Variants in RNF144A observed in about 807,000 individuals in gnomAD.
The protein encoded by RNF144A is E3 ubiquitin-protein ligase RNF144A.
A neutral mutation model predicts 38.7 loss-of-function variants in RNF144A; 11 were observed. The observed-to-expected ratio is 0.28, with a 90% confidence interval of 0.18 to 0.47. The LOEUF (loss-of-function observed/expected upper bound fraction) is 0.47. Ranked by LOEUF, RNF144A falls within the 20% of genes least tolerant of loss-of-function variation. RNF144A has a pLI of 0.99. For missense variants in RNF144A, 316 were observed against 377.2 expected, an observed-to-expected ratio of 0.84 and a Z score of 1.34; for synonymous variants, 149 against 143.9, an observed-to-expected ratio of 1.04 and a Z score of -0.25.
At chr2:7,044,205 A>T, downstream of RNF144A, 3 of 984,302 alleles carry the variant, frequency 3.0e-6, no homozygotes, top group Non-Finnish European at 2.4e-6. Flanking sequence ...TCTTTTGTAG[A>T]TGCTTATCTG....
chr2:6,945,875 G>A lies in RNF144A; in HGVS notation c.-12+4728G>A, dbSNP rs563002382. Among the ~76,000 whole-genome samples, 5 of 152,284 alleles carry A rather than the reference G, an allele frequency of 3.3e-5. No homozygotes were observed. The East Asian group carries it at 9.7e-4, about 29-fold the overall frequency. On this transcript the variant is annotated intron_variant, in intron 2 of 8. Transcript: ENST00000320892. ...CAGTTTTGAGCCTGCTGTGAGGAAA[G>A]AGATGAGGAGAACCTGGGCCCTGGA...
chr2:6,933,842 G>C (rs115435754), intron 1 of RNF144A, among the ~76,000 whole-genome samples: 1,994 of 152,194 alleles, frequency 0.013, 19 homozygotes, highest in Non-Finnish European at 0.02. Context: ...CTAAGGTTCA[G>C]CTTATTCTTC....
At chr2:7,038,354 G>C (rs1672816225) in intron 8 of RNF144A, among the ~76,000 whole-genome samples, 2 of 152,152 alleles carry the variant, frequency 1.3e-5, no homozygotes, top group South Asian at 4.1e-4. Flanking sequence ...ACATGGCGGG[G>C]GTGTGTGGGG....
At chr2:7,017,455 C>T (rs71436175) in intron 5 of RNF144A, among the ~76,000 whole-genome samples, 3 of 152,190 alleles carry the variant, frequency 2.0e-5, no homozygotes, top group African/African-American at 7.2e-5. Context: ...CATCCCAGCC[C>T]TGCACCAGGC....
intron 1 of RNF144A, among the ~76,000 whole-genome samples, chr2:6,934,662 C>T (rs1665451807): frequency 6.6e-6 from 1 of 152,140 alleles, no homozygotes; most frequent in Non-Finnish European, 1.5e-5. Context: ...TTTTTCCCCA[C>T]CTATAGCTAT....
At chr2:7,070,805 G>A (rs1212946360), downstream of RNF144A, among the ~76,000 whole-genome samples, 1 of 152,156 alleles carries the variant, frequency 6.6e-6, no homozygotes, top group East Asian at 1.9e-4. Flanking sequence ...CCAGAAGCTA[G>A]GGAGAAGCCA....
chr2:6,962,219 GC>G lies in RNF144A; in HGVS notation c.-12+21077del, dbSNP rs1476889349. Among the ~76,000 whole-genome samples, 1 of 152,154 alleles carries G rather than the reference GC, an allele frequency of 6.6e-6. No homozygotes were observed. The highest frequency in any genetic ancestry group is 2.4e-5 in the African/African-American group (1 of 41,420). On this transcript the variant is annotated intron_variant, in intron 2 of 8. Transcript: ENST00000320892. This position sits in a 1 kb window ranked among gnomAD's most constrained non-coding sequence, Gnocchi z 4.1. The stretch of plus-strand genomic sequence containing the variant: ...TTGCATAGGGCACAAATCTCTGGTA[GC>G]CCCCACCCTAATGATTTATTATGCA...
chr2:7,009,061 C>T (rs1173239089), intron 3 of RNF144A, among the ~76,000 whole-genome samples: 1 of 152,226 alleles, frequency 6.6e-6, no homozygotes, highest in Admixed American at 6.5e-5. Context: ...GGCATTACCC[C>T]TGGCCTTATC....
At chr2:7,028,915 C>T (rs1672095940) in intron 7 of RNF144A, among the ~76,000 whole-genome samples, 1 of 152,138 alleles carries the variant, frequency 6.6e-6, no homozygotes, top group Non-Finnish European at 1.5e-5. Flanking sequence ...CTGTAACAGC[C>T]AGGATTTGAT....
chr2:6,991,258 G>C lies in RNF144A; in HGVS notation c.-11-5658G>C, dbSNP rs149605020. Among the ~76,000 whole-genome samples, 478 of 152,270 alleles carry C rather than the reference G, an allele frequency of 3.1e-3. 2 individuals are homozygous for C. Among genetic ancestry groups the C allele is most frequent in the African/African-American group, 0.011 (459 of 41,546 alleles). ...AGTGGGCATCATCTGCTTGGGAGGA[G>C]ACAGCGTCCAAGTACTTTCCTAAAG... On this transcript the variant is annotated intron_variant, in intron 2 of 8. Transcript: ENST00000320892.
intron 7 of RNF144A, among the ~76,000 whole-genome samples, chr2:7,024,955 C>T (rs897761912): frequency 6.6e-6 from 1 of 152,016 alleles, no homozygotes; most frequent in Non-Finnish European, 1.5e-5. Flanking sequence ...GATCAGGACT[C>T]CTTCCTGGTG....
chr2:6,977,813 G>C (rs747108564), intron 2 of RNF144A, among the ~76,000 whole-genome samples: 84 of 152,116 alleles, frequency 5.5e-4, no homozygotes, highest in Non-Finnish European at 9.8e-4. Flanking sequence ...ATTCTGGAGA[G>C]ACAAAAAGAA....
chr2:7,075,509 T>G, the RNF144A span, among the ~76,000 whole-genome samples: 10 of 152,292 alleles, frequency 6.6e-5, no homozygotes, highest in South Asian at 1.0e-3. Flanking sequence ...TAGAAATAGA[T>G]AAGGTCATCA....
At chr2:7,066,274 A>G (rs1364342420) in intron 6 of RNF144A, among the ~76,000 whole-genome samples, 1 of 152,030 alleles carries the variant, frequency 6.6e-6, no homozygotes, top group East Asian at 1.9e-4. Flanking sequence ...TTTTTAGCAG[A>G]GACGGGGTTT....
intron 2 of RNF144A, among the ~76,000 whole-genome samples, chr2:6,961,252 A>G (rs1459611496): frequency 6.6e-6 from 1 of 152,200 alleles, no homozygotes; most frequent in African/African-American, 2.4e-5. Context: ...ATAGGCATTT[A>G]ACATGTTGCG....
At chr2:6,963,230 C>T (rs941945094) in intron 2 of RNF144A, among the ~76,000 whole-genome samples, 14 of 152,102 alleles carry the variant, frequency 9.2e-5, no homozygotes, top group African/African-American at 2.4e-4. Flanking sequence ...TTTACCCTTA[C>T]GGGCCAAGCA....
At position 7,030,176 on chromosome 2, in the gene RNF144A, G is replaced by A; in HGVS notation, c.708G>A (p.Leu236=). The change falls in exon 8 of 9, where the codon CTG becomes CTA. Residue 236 remains leucine, a synonymous_variant. Coordinates refer to ENST00000320892, the MANE Select transcript of RNF144A (RefSeq NM_014746.6). ...HYDKGPCRNK[L]GHSRASVIWH... is the part of the protein sequence containing the mutation. ...ATAAGGGACCCTGCCGGAACAAGCT[G>A]GGCCACTCCCGGGCATCTGTGATCT... 6.2e-7 allele frequency: 1 copy of A among 1,614,002 alleles called. No individual in the cohort carries two copies. The highest frequency in any genetic ancestry group is 1.1e-5 in the South Asian group (1 of 91,078).
chr2:6,965,661 G>C (rs1203024129), intron 2 of RNF144A, among the ~76,000 whole-genome samples: 1 of 152,124 alleles, frequency 6.6e-6, no homozygotes, highest in African/African-American at 2.4e-5. Flanking sequence ...TGCATCTTCA[G>C]GATGGCATCC....
At chr2:6,938,614 A>ATACT (rs1475836696) in intron 1 of RNF144A, among the ~76,000 whole-genome samples, 1 of 152,142 alleles carries the variant, frequency 6.6e-6, no homozygotes, top group Non-Finnish European at 1.5e-5. Context: ...CATCGTTTTA[A>ATACT]AGTACACCAT....
Sources: allele counts gnomAD v4.1 joint callset (sites outside exome capture counted in the v4.1 genomes callset), GRCh38; gene constraint gnomAD v4.1.1; non-coding constraint Gnocchi (gnomAD v3.1); transcripts MANE v1.5; gene names NCBI Gene and HGNC (gene_info 2026-07-23, HGNC 2026-07-21).